Variants in ANKS1A observed in about 807,000 individuals in gnomAD.
ANKS1A encodes the protein ankyrin repeat and sterile alpha motif domain containing 1A, also known as ankyrin repeat and SAM domain-containing protein 1A.
ANKS1A carries 55 observed loss-of-function variants against 120.3 expected under a neutral mutation model. The observed-to-expected ratio is 0.46, with a 90% CI of 0.37 to 0.57. The LOEUF (loss-of-function observed/expected upper bound fraction) is 0.57. ANKS1A is among the 20% of genes least tolerant of loss of function. The pLI, the probability that ANKS1A is intolerant of heterozygous loss-of-function variation, is 0.00. For synonymous variants in ANKS1A, 590 were observed against 604.7 expected, an observed-to-expected ratio of 0.98 and a Z score of 0.36; for missense variants, 1,123 against 1,480.3, an observed-to-expected ratio of 0.76 and a Z score of 3.96.
In ANKS1A at chr6:34,991,539, T is replaced by TACACAC. The variant is rs1309916304; in HGVS notation, c.1302+2224_1302+2225insCACACA. 3.6e-3 allele frequency among the ~76,000 whole-genome samples: 307 copies of TACACAC among 85,114 alleles called. 3 individuals carry two copies. Among genetic ancestry groups the TACACAC allele is most frequent in the Middle Eastern group, 0.023 (3 of 128 alleles). The allele number at this position is 85,114 out of a possible 152,430, so 55.8% of individuals were successfully genotyped here. A position where few individuals can be genotyped will look rare whatever the true frequency, so the allele number is the denominator to read the frequency against. ...CCACATAGCCGGGAAAAAAAAAATA[T>TACACAC]ATACACACACACACACACACACACA... On this transcript the variant is annotated intron_variant, in intron 9 of 23. Coordinates refer to ENST00000360359, the MANE Select transcript of ANKS1A (RefSeq NM_015245.3).
chr6:34,959,217 A>G (rs1281410755), intron 1 of ANKS1A, among the ~76,000 whole-genome samples: 1 of 152,224 alleles, frequency 6.6e-6, no homozygotes, highest in Non-Finnish European at 1.5e-5. Context: ...TTATGTACAG[A>G]CATCTCAGAT....
At chr6:34,991,661 CATATATATACACATATATAT>C (rs1772540873) in intron 9 of ANKS1A, among the ~76,000 whole-genome samples, 3 of 98,070 alleles carry the variant, frequency 3.1e-5, no homozygotes, top group African/African-American at 5.6e-5. Flanking sequence ...TATATATACA[CATATATATACACATATATAT>C]ACATATATAC....
intron 13 of ANKS1A, among the ~76,000 whole-genome samples, chr6:35,071,203 A>C (rs1777068071): frequency 6.6e-6 from 1 of 152,208 alleles, no homozygotes; most frequent in Admixed American, 6.5e-5. Context: ...GAACCAGTGC[A>C]TACCTCACAT....
chr6:35,091,483 G>A (rs770778643), downstream of ANKS1A: 19 of 931,668 alleles, frequency 2.0e-5, no homozygotes, highest in Middle Eastern at 5.4e-4. Context: ...CAGGCGAGAC[G>A]CAGGCTCAGG....
chr6:35,065,018 G>GT (rs1207016688), intron 13 of ANKS1A, among the ~76,000 whole-genome samples: 1 of 152,162 alleles, frequency 6.6e-6, no homozygotes, highest in Non-Finnish European at 1.5e-5. Context: ...GAGGAAGAAT[G>GT]TAATTCCTTG....
At chr6:35,014,736 A>T (rs898079161) in intron 10 of ANKS1A, among the ~76,000 whole-genome samples, 1 of 152,216 alleles carries the variant, frequency 6.6e-6, no homozygotes, top group African/African-American at 2.4e-5. Flanking sequence ...AAAGCAGTAG[A>T]AGCCTGTGCT....
intron 3 of ANKS1A, among the ~76,000 whole-genome samples, chr6:34,973,693 A>C (rs1176696547): frequency 1.3e-5 from 2 of 152,230 alleles, no homozygotes; most frequent in Non-Finnish European, 2.9e-5. Context: ...GATTTAGCAA[A>C]GGAAGCCCCC....
chr6:35,052,629 AAAAG>A (rs1375240259), intron 11 of ANKS1A, among the ~76,000 whole-genome samples: 1 of 150,932 alleles, frequency 6.6e-6, no homozygotes, highest in Non-Finnish European at 1.5e-5. Context: ...AAAAAAAAAA[AAAAG>A]AATAATAAAA....
chr6:34,923,859 G>A (rs1002555645), intron 1 of ANKS1A, among the ~76,000 whole-genome samples: 5 of 152,140 alleles, frequency 3.3e-5, no homozygotes, highest in African/African-American at 7.2e-5. Context: ...GCTCAGGACC[G>A]CTCCCCATGG....
intron 11 of ANKS1A, among the ~76,000 whole-genome samples, chr6:35,020,658 C>G (rs946987603): frequency 3.3e-5 from 5 of 152,194 alleles, no homozygotes; most frequent in South Asian, 2.1e-4. Context: ...TTCTGGGCAG[C>G]CTTATGGGCT....
intron 9 of ANKS1A, among the ~76,000 whole-genome samples, chr6:34,991,016 TTGTCTTTCCC>T (rs1772476856): frequency 6.6e-6 from 1 of 152,170 alleles, no homozygotes; most frequent in Admixed American, 6.5e-5. Context: ...TTGGACTTTG[TTGTCTTTCCC>T]TGTCTTTCCT....
rs368964140 is a variant in ANKS1A, at chr6:35,082,667, T to C, written c.2710-24T>C. ...GTGCTCCTCTGGAGCAAGGAGCAGG[T>C]GTCCAATTGCGTGTGTTTCGCAGGA... On this transcript the variant is annotated intron_variant, in intron 17 of 23. Transcript: ENST00000360359. This position sits in a 1 kb window ranked among gnomAD's most constrained non-coding sequence, Gnocchi z 4.1. 451 of 1,595,130 alleles carry C rather than the reference T, an allele frequency of 2.8e-4. No individual in the cohort carries two copies. In the African/African-American group the frequency reaches 5.2e-3, roughly 18 times the overall value.
intron 10 of ANKS1A, among the ~76,000 whole-genome samples, chr6:35,011,974 G>T (rs1182753675): frequency 6.6e-6 from 1 of 152,186 alleles, no homozygotes; most frequent in Non-Finnish European, 1.5e-5. Flanking sequence ...AAAAGGTTAG[G>T]TATTGGAGCT....
At chr6:35,037,870 C>T (rs1662590654) in intron 11 of ANKS1A, among the ~76,000 whole-genome samples, 1 of 152,086 alleles carries the variant, frequency 6.6e-6, no homozygotes, top group African/African-American at 2.4e-5. Flanking sequence ...GGAACATGGG[C>T]AGGCAACTCA....
Position 34,983,403 on chromosome 6 carries a change from C to T in ANKS1A, c.990C>T (p.Asp330=). 6.2e-7 allele frequency: 1 copy of T among 1,613,838 alleles called. No homozygotes were observed. The change falls in exon 7 of 24, where the codon GAC becomes GAT. Residue 330 remains aspartate, a synonymous_variant. Transcript: ENST00000360359. ...AGCCACCTCTCATCTCCAGTATGGA[C>T]TCCATATCACAGAAGTCTCAGGGTA... is the stretch of plus-strand genomic sequence containing the variant. ...PPQPPLISSM[D]SISQKSQGDV... is the part of the protein sequence containing the mutation.
intron 13 of ANKS1A, among the ~76,000 whole-genome samples, chr6:35,062,049 T>A (rs143060100): frequency 6.6e-6 from 1 of 152,346 alleles, no homozygotes; most frequent in African/African-American, 2.4e-5. Flanking sequence ...AGCCCGAGAC[T>A]CCGTAGGACT....
chr6:35,085,818 A>G lies in ANKS1A; in HGVS notation c.3185A>G (p.Tyr1062Cys). The G allele has an allele frequency of 6.2e-7, 1 of 1,612,542 alleles. No individual in the cohort carries two copies. Among genetic ancestry groups the G allele is most frequent in the South Asian group, 1.1e-5 (1 of 90,904 alleles). The change falls in exon 22 of 24, where the codon TAT becomes TGT. Residue 1062 changes from tyrosine (Y) to cysteine (C), a missense_variant. Coordinates refer to ENST00000360359, the MANE Select transcript of ANKS1A (RefSeq NM_015245.3). The surrounding 1 kb of genome is among the most constrained non-coding windows in gnomAD (Gnocchi z 4.7). The stretch of plus-strand genomic sequence containing the variant: ...CTGGGGCAGGCCTTCGAAGTGGCCT[A>G]TCAGTTGGCCCTGCAGGCCCAGAAG... ...LTLGQAFEVAYQLALQAQKSR... is the reference protein window; with the variant it reads ...LTLGQAFEVACQLALQAQKSR...
intron 10 of ANKS1A, among the ~76,000 whole-genome samples, chr6:35,004,292 A>C (rs2127546659): frequency 1.3e-5 from 2 of 152,232 alleles, no homozygotes; most frequent in South Asian, 4.1e-4. Context: ...TTTTGTCCGC[A>C]GCTGGTCCCG....
chr6:35,017,353 A>G (rs1374211732), intron 10 of ANKS1A, 120 bp from the exon 11 acceptor site: 3 of 1,013,058 alleles, frequency 3.0e-6, no homozygotes, highest in Non-Finnish European at 4.2e-6. Context: ...CAGCCTATCC[A>G]GTTTCTCTCT....
Sources: allele counts gnomAD v4.1 joint callset (sites outside exome capture counted in the v4.1 genomes callset), GRCh38; gene constraint gnomAD v4.1.1; non-coding constraint Gnocchi (gnomAD v3.1); transcripts MANE v1.5; gene names NCBI Gene and HGNC (gene_info 2026-07-23, HGNC 2026-07-21).